The following CHRNA7 variants were observed in gnomAD, a reference collection of about 807,000 sequenced individuals.
CHRNA7 encodes the protein neuronal acetylcholine receptor subunit alpha-7.
Under a neutral mutation model 48.0 loss-of-function variants are expected in CHRNA7, and 17 were observed. The observed-to-expected ratio is 0.35, with a 90% CI of 0.24 to 0.53. The LOEUF (loss-of-function observed/expected upper bound fraction) is 0.53. CHRNA7 is among the 20% of genes least tolerant of loss of function. The pLI is 0.92. For missense variants in CHRNA7, 155 were observed against 577.7 expected (o/e 0.27, Z 7.50); for synonymous variants, 75 against 242.3 (o/e 0.31, Z 6.41).
chr15:32,129,920 G>A (rs1401175196), intron 4 of CHRNA7, among the ~76,000 whole-genome samples: 1 of 151,872 alleles, frequency 6.6e-6, no homozygotes, highest in Non-Finnish European at 1.5e-5. Flanking sequence ...TCAGTTCAGT[G>A]TATTTTTTTC....
intron 2 of CHRNA7, among the ~76,000 whole-genome samples, chr15:32,066,995 A>C (rs1043837728): frequency 1.3e-5 from 2 of 150,184 alleles, no homozygotes. Context: ...AATAACTGAG[A>C]AAAAAAATGG....
intron 2 of CHRNA7, chr15:32,100,706 G>C (rs2050555603): frequency 6.5e-6 from 1 of 154,588 alleles, no homozygotes; most frequent in Non-Finnish European, 1.5e-5. Context: ...ACCTGGGTAG[G>C]CTTTACCTTC....
chr15:32,114,729 A>G (rs1372103182), intron 4 of CHRNA7, among the ~76,000 whole-genome samples: 1 of 152,264 alleles, frequency 6.6e-6, no homozygotes, highest in Admixed American at 6.5e-5. Context: ...CTATTGCTAC[A>G]GAACAAACTC....
intron 2 of CHRNA7, among the ~76,000 whole-genome samples, chr15:32,069,883 C>T (rs184668153): frequency 2.0e-5 from 3 of 151,956 alleles, no homozygotes; most frequent in Non-Finnish European, 2.9e-5. Context: ...TGAAAATCAG[C>T]GAAACACCAG....
At chr15:32,061,130 A>G (rs138489425) in intron 2 of CHRNA7, among the ~76,000 whole-genome samples, 56 of 152,310 alleles carry the variant, frequency 3.7e-4, no homozygotes, top group African/African-American at 1.3e-3. Context: ...TTGGATACCA[A>G]TGCTGGCCAG....
At chr15:32,152,609 T>G (rs1391962676) in intron 4 of CHRNA7, among the ~76,000 whole-genome samples, 1 of 152,156 alleles carries the variant, frequency 6.6e-6, no homozygotes, top group African/African-American at 2.4e-5. Context: ...GATTAGCTCC[T>G]TAGAATAATT....
chr15:32,085,397 A>G (rs1022704258), intron 2 of CHRNA7, among the ~76,000 whole-genome samples: 1 of 152,182 alleles, frequency 6.6e-6, no homozygotes, highest in Admixed American at 6.5e-5. Context: ...CTTTATCCTT[A>G]TGCATACAAA....
At chr15:32,064,995 G>T (rs2049942023) in intron 2 of CHRNA7, among the ~76,000 whole-genome samples, 1 of 152,084 alleles carries the variant, frequency 6.6e-6, no homozygotes, top group African/African-American at 2.4e-5. Context: ...GCAGAATAAT[G>T]GCCTCAAAAA....
intron 4 of CHRNA7, among the ~76,000 whole-genome samples, chr15:32,119,907 G>A (rs1435883232): frequency 6.6e-6 from 1 of 152,150 alleles, no homozygotes; most frequent in East Asian, 1.9e-4. Context: ...CAGAGTGAGT[G>A]GACTGTCGCT....
intron 2 of CHRNA7, among the ~76,000 whole-genome samples, chr15:32,077,639 T>TA (rs2050155013): frequency 6.6e-6 from 1 of 152,166 alleles, no homozygotes; most frequent in Non-Finnish European, 1.5e-5. Flanking sequence ...AGTGTTCCTA[T>TA]AAAGGAATAC....
intron 2 of CHRNA7, among the ~76,000 whole-genome samples, chr15:32,093,873 G>A (rs1259959500): frequency 6.6e-6 from 1 of 152,130 alleles, no homozygotes; most frequent in Non-Finnish European, 1.5e-5. Flanking sequence ...TGAAATCAGT[G>A]TTCTCGAACT....
At chr15:32,098,273 C>G (rs1280684964) in intron 2 of CHRNA7, among the ~76,000 whole-genome samples, 2 of 152,070 alleles carry the variant, frequency 1.3e-5, no homozygotes, top group Admixed American at 6.5e-5. Context: ...GACGTGCTTG[C>G]CAAGGATCGA....
chr15:32,158,301 T>TTA (rs2051792217), intron 6 of CHRNA7, 111 bp from the exon 7 acceptor site: 83 of 618,724 alleles, frequency 1.3e-4, no homozygotes, highest in South Asian at 2.7e-4. Flanking sequence ...TTTTTTTTTT[T>TTA]AGCACTTTGC....
intron 2 of CHRNA7, among the ~76,000 whole-genome samples, chr15:32,047,406 C>T: frequency 6.6e-6 from 1 of 151,712 alleles, no homozygotes; most frequent in Non-Finnish European, 1.5e-5. Context: ...AAGGTGGATT[C>T]CTAAGTATTT....
At chr15:32,119,708 G>A (rs2050934285) in intron 4 of CHRNA7, among the ~76,000 whole-genome samples, 1 of 152,070 alleles carries the variant, frequency 6.6e-6, no homozygotes, top group African/African-American at 2.4e-5. Context: ...TTGTCCAGAA[G>A]TTATTATCTG....
In CHRNA7 at chr15:32,126,022, AT is replaced by A. The variant is rs200323907; in HGVS notation, c.350+14124del. 5.8e-3 allele frequency among the ~76,000 whole-genome samples: 870 copies of A among 149,590 alleles called. 6 individuals are homozygous for A. The highest frequency in any genetic ancestry group is 0.033 in the South Asian group (156 of 4,712). ...TGGTAGCTGATAGCAAAAAAAAAAA[AT>A]GATCCAGAACTTCATTTTGACAAAT... On this transcript the variant is annotated intron_variant, in intron 4 of 9. Coordinates refer to ENST00000306901, the MANE Select transcript of CHRNA7 (RefSeq NM_000746.6).
intron 2 of CHRNA7, among the ~76,000 whole-genome samples, chr15:32,085,925 C>T (rs2050288116): frequency 6.6e-6 from 1 of 152,096 alleles, no homozygotes; most frequent in African/African-American, 2.4e-5. Context: ...GTCGTTGTTA[C>T]CCTGTGGATA....
chr15:32,079,980 A>G (rs1418728363), intron 2 of CHRNA7, among the ~76,000 whole-genome samples: 1 of 152,110 alleles, frequency 6.6e-6, no homozygotes, highest in Non-Finnish European at 1.5e-5. Flanking sequence ...AGAATAGAGA[A>G]TTCAGAAATA....
intron 2 of CHRNA7, among the ~76,000 whole-genome samples, chr15:32,064,247 G>A (rs957231085): frequency 2.0e-5 from 3 of 151,634 alleles, no homozygotes; most frequent in Non-Finnish European, 2.9e-5. Context: ...TCCTCCCCGT[G>A]CCCCTTTCCC....
Sources: gnomAD v4.1 joint callset for allele counts (sites outside exome capture counted in the v4.1 genomes callset) on GRCh38, gnomAD v4.1.1 for gene constraint, MANE v1.5 for transcripts, NCBI Gene and HGNC (gene_info 2026-07-23, HGNC 2026-07-21) for gene names.